Variants in AUTS2 observed in about 807,000 individuals in gnomAD.
The protein encoded by AUTS2 is activator of transcription and developmental regulator AUTS2.
Under a neutral mutation model 112.4 loss-of-function variants are expected in AUTS2, and 17 were observed. The observed-to-expected ratio is 0.15, with a 90% CI of 0.10 to 0.23. AUTS2 has a LOEUF of 0.23. Among genes scored for constraint, AUTS2 ranks in the 10% least tolerant of loss-of-function variants. AUTS2 has a pLI of 1.00. For missense variants in AUTS2, 1,510 were observed against 1,701.6 expected, an observed-to-expected ratio of 0.89 and a Z score of 1.98; for synonymous variants, 751 against 702.7, an observed-to-expected ratio of 1.07 and a Z score of -1.09.
intron 4 of AUTS2, among the ~76,000 whole-genome samples, chr7:70,192,481 A>T (rs534248223): frequency 6.6e-6 from 1 of 152,238 alleles, no homozygotes; most frequent in Non-Finnish European, 1.5e-5. Context: ...TGTATTTAAT[A>T]GTAAGTAGTT....
chr7:69,919,377 G>C (rs1446812095), intron 2 of AUTS2, among the ~76,000 whole-genome samples: 2 of 152,340 alleles, frequency 1.3e-5, no homozygotes, highest in East Asian at 3.9e-4. Context: ...CATGTTGGCA[G>C]ACTGAAGAAG....
At chr7:70,524,600 G>T (rs1047963138) in intron 5 of AUTS2, among the ~76,000 whole-genome samples, 1 of 152,192 alleles carries the variant, frequency 6.6e-6, no homozygotes, top group Non-Finnish European at 1.5e-5. Context: ...AAAGGCATCA[G>T]GGAAGTACCT....
chr7:70,241,721 C>G (rs1263976551), intron 4 of AUTS2, among the ~76,000 whole-genome samples: 2 of 152,154 alleles, frequency 1.3e-5, no homozygotes, highest in Admixed American at 1.3e-4. Flanking sequence ...TTGGGGAATA[C>G]TTAATGCACA....
intron 4 of AUTS2, among the ~76,000 whole-genome samples, chr7:70,411,684 TCA>T (rs1342013923): frequency 6.6e-6 from 1 of 152,190 alleles, no homozygotes; most frequent in Non-Finnish European, 1.5e-5. Flanking sequence ...TCAGATATTT[TCA>T]CAGTGTTAAT....
intron 2 of AUTS2, among the ~76,000 whole-genome samples, chr7:69,931,112 TACACACAC>T (rs58190258): frequency 0.016 from 2,355 of 148,520 alleles, 55 homozygotes; most frequent in African/African-American, 0.046. Context: ...ATTTTGGATT[TACACACAC>T]ACACACACAC....
At chr7:69,807,270 CAGATTTGTTGA>C (rs1178310605) in intron 1 of AUTS2, among the ~76,000 whole-genome samples, 1 of 152,068 alleles carries the variant, frequency 6.6e-6, no homozygotes, top group Non-Finnish European at 1.5e-5. Flanking sequence ...CACCAAGATC[CAGATTTGTTGA>C]GTGTATTAGT....
intron 4 of AUTS2, among the ~76,000 whole-genome samples, chr7:70,169,431 C>T (rs1042396970): frequency 5.3e-5 from 8 of 151,966 alleles, no homozygotes; most frequent in South Asian, 2.1e-4. Flanking sequence ...TTAGTAGAGA[C>T]GGGGTTTCAC....
At chr7:69,881,942 A>T (rs1233806411) in intron 1 of AUTS2, among the ~76,000 whole-genome samples, 1 of 151,732 alleles carries the variant, frequency 6.6e-6, no homozygotes, top group Non-Finnish European at 1.5e-5. Flanking sequence ...ACATGAGGTC[A>T]GGAATTTGAG....
At chr7:69,975,184 G>T (rs905079498) in intron 2 of AUTS2, among the ~76,000 whole-genome samples, 11 of 151,942 alleles carry the variant, frequency 7.2e-5, no homozygotes, top group African/African-American at 2.7e-4. Context: ...ATTGAAAAAT[G>T]TTGTTCTCTT....
intron 2 of AUTS2, among the ~76,000 whole-genome samples, chr7:70,098,409 G>GA (rs1176855832): frequency 4.6e-5 from 7 of 152,302 alleles, no homozygotes; most frequent in African/African-American, 1.7e-4. Context: ...TGCTGCCCTT[G>GA]CGGGGCTGGG....
intron 5 of AUTS2, among the ~76,000 whole-genome samples, chr7:70,451,755 A>G (rs1796544524): frequency 1.3e-5 from 2 of 152,194 alleles, no homozygotes; most frequent in Non-Finnish European, 2.9e-5. Context: ...TAGGGTCAGT[A>G]TTGGGGTTAT....
chr7:69,776,324 A>G (rs971982598), intron 1 of AUTS2, among the ~76,000 whole-genome samples: 2 of 152,164 alleles, frequency 1.3e-5, no homozygotes, highest in African/African-American at 4.8e-5. Flanking sequence ...TTCCTTTCCT[A>G]GTATAGAACC....
chr7:70,628,041 T>C (rs1805042354), intron 5 of AUTS2, among the ~76,000 whole-genome samples: 1 of 152,150 alleles, frequency 6.6e-6, no homozygotes, highest in Non-Finnish European at 1.5e-5. Context: ...TATGGAGGTG[T>C]GCACGAAGGT....
At chr7:69,936,290 C>G (rs1796406350) in intron 2 of AUTS2, among the ~76,000 whole-genome samples, 1 of 152,152 alleles carries the variant, frequency 6.6e-6, no homozygotes, top group African/African-American at 2.4e-5. Context: ...GGTCAGTCTG[C>G]CTGTTCTTTC....
chr7:70,496,531 ACACAC>A (rs1798521033), intron 5 of AUTS2, among the ~76,000 whole-genome samples: 1 of 111,780 alleles, frequency 8.9e-6, no homozygotes, highest in Non-Finnish European at 1.8e-5. Context: ...CCCCACTCAC[ACACAC>A]CACGTACACA....
At chr7:70,545,997 A>G (rs1292343774) in intron 5 of AUTS2, among the ~76,000 whole-genome samples, 1 of 152,226 alleles carries the variant, frequency 6.6e-6, no homozygotes, top group East Asian at 1.9e-4. Context: ...TCCCATAACA[A>G]TAAGCTAAAA....
At chr7:70,540,703 C>T (rs2129504921) in intron 5 of AUTS2, among the ~76,000 whole-genome samples, 1 of 152,298 alleles carries the variant, frequency 6.6e-6, no homozygotes, top group East Asian at 1.9e-4. Flanking sequence ...GATGCAGCTA[C>T]ATCTCAAAAC....
At chr7:70,189,285 C>G (rs558722000) in intron 4 of AUTS2, among the ~76,000 whole-genome samples, 32 of 152,214 alleles carry the variant, frequency 2.1e-4, no homozygotes, top group Admixed American at 3.3e-4. Context: ...ATAGGAAACA[C>G]CAGAGGAGGA....
At chr7:69,630,940 T>C (rs989425853) in intron 1 of AUTS2, among the ~76,000 whole-genome samples, 1 of 152,200 alleles carries the variant, frequency 6.6e-6, no homozygotes. Flanking sequence ...TTTTTCCTTC[T>C]CTGTGGTCCG....
Sources: gnomAD v4.1 joint callset for allele counts (sites outside exome capture counted in the v4.1 genomes callset) on GRCh38, gnomAD v4.1.1 for gene constraint, MANE v1.5 for transcripts, NCBI Gene and HGNC (gene_info 2026-07-23, HGNC 2026-07-21) for gene names.